Variants in RPE65 observed in about 807,000 individuals in gnomAD.
RPE65 encodes the protein retinoid isomerohydrolase.
A neutral mutation model predicts 68.5 loss-of-function variants in RPE65; 58 were observed. That is an observed-to-expected ratio of 0.85 (90% CI 0.69 to 1.05). RPE65 has a LOEUF of 1.05. Ranked by LOEUF, RPE65 falls within the 50% of genes least tolerant of loss-of-function variation. RPE65 has a pLI of 0.00. For missense variants in RPE65, 643 were observed against 629.9 expected (o/e 1.02, Z -0.22); for synonymous variants, 220 against 222.2 (o/e 0.99, Z 0.09).
In RPE65 at chr1:68,428,974, G is replaced by T. The variant is rs920512880; in HGVS notation, c.*802C>A. 2.6e-5 allele frequency: 4 copies of T among 152,044 alleles called. No homozygotes were observed. The highest frequency in any genetic ancestry group is 9.7e-5 in the African/African-American group (4 of 41,406). 9.4% of individuals were successfully genotyped at this position (152,044 alleles called of 1,614,324 possible). The stretch of plus-strand genomic sequence containing the variant: ...TTAAATACAATTAAACAAAAAAGAT[G>T]CAATAAAGTATAATCCTGCAACATT... On this transcript the variant is annotated 3_prime_UTR_variant, in exon 14 of 14. Transcript: ENST00000262340.
At position 68,431,120 on chromosome 1, in the gene RPE65, T is replaced by C. The variant is rs764923358; in HGVS notation, c.1395A>G (p.Ser465=). 42 of 1,613,874 alleles carry C rather than the reference T, an allele frequency of 2.6e-5. No individual in the cohort carries two copies. The highest frequency in any genetic ancestry group is 3.5e-5 in the Non-Finnish European group (41 of 1,179,828). ...KETWVWQEPD[S]YPSEPIFVSH... Reference sequence around the variant, plus strand: ...AAACAAAGATGGGTTCTGATGGGTATGAATCAGGCTCTTGCCAAACCCAAG... The same window carrying C: ...AAACAAAGATGGGTTCTGATGGGTACGAATCAGGCTCTTGCCAAACCCAAG... The change falls in exon 13 of 14, where the codon TCA becomes TCG. Residue 465 remains serine, a synonymous_variant. Coordinates refer to ENST00000262340, the MANE Select transcript of RPE65 (RefSeq NM_000329.3).
chr1:68,431,413 T>C, intron 11 of RPE65, 37 bp from the exon 12 acceptor site: 1 of 1,612,664 alleles, frequency 6.2e-7, no homozygotes, highest in Non-Finnish European at 8.5e-7. Flanking sequence ...AAACTCTTAA[T>C]CTCTTTGAAA....
chr1:68,434,556 T>C (rs3118419), intron 10 of RPE65, among the ~76,000 whole-genome samples: 67,567 of 151,872 alleles, frequency 0.44, 16,704 homozygotes, highest in East Asian at 0.77. Flanking sequence ...TTAGTGGTGA[T>C]GCTGGGAAGA....
Position 68,439,233 on chromosome 1 carries a change from T to C in RPE65, c.816A>G (p.Gly272=). The stretch of plus-strand genomic sequence containing the variant: ...ACTCAAAACAATCCATGTAGTTGGC[T>C]CCCCAAAGACTCCATGAAGAAAGGA... ...FKFLSSWSLW[G]ANYMDCFESN... is the part of the protein sequence containing the mutation. Residue 272 remains glycine (G), a synonymous_variant, in exon 8 of 14, where the codon GGA becomes GGG. Coordinates refer to ENST00000262340, the MANE Select transcript of RPE65 (RefSeq NM_000329.3). The C allele has an allele frequency of 6.2e-7, 1 of 1,614,050 alleles. No individual in the cohort carries two copies. Among genetic ancestry groups the C allele is most frequent in the Non-Finnish European group, 8.5e-7 (1 of 1,179,966 alleles).
chr1:68,435,587 C>G (rs1443867558), intron 10 of RPE65, among the ~76,000 whole-genome samples: 2 of 152,120 alleles, frequency 1.3e-5, no homozygotes, highest in Non-Finnish European at 2.9e-5. Context: ...CTACTTTTGC[C>G]TATGTTTCAA....
intron 5 of RPE65, among the ~76,000 whole-genome samples, chr1:68,442,258 A>G (rs1213441878): frequency 1.3e-5 from 2 of 152,154 alleles, no homozygotes; most frequent in African/African-American, 4.8e-5. Context: ...GACTCCAACT[A>G]ATGTTTGAAA....
At chr1:68,444,710 C>A (rs759724703) in intron 4 of RPE65, 38 bp from the exon 5 acceptor site, 1 of 1,613,916 alleles carries the variant, frequency 6.2e-7, no homozygotes, top group South Asian at 1.1e-5. Flanking sequence ...CAGTAATTTT[C>A]AAGCCATGAG....
intron 10 of RPE65, among the ~76,000 whole-genome samples, chr1:68,433,056 G>A (rs1645837764): frequency 6.6e-6 from 1 of 152,146 alleles, no homozygotes; most frequent in South Asian, 2.1e-4. Context: ...ATTTTTGGTG[G>A]GGGAAGATGA....
intron 3 of RPE65, among the ~76,000 whole-genome samples, chr1:68,445,866 A>G (rs553086006): frequency 6.1e-4 from 92 of 151,956 alleles, no homozygotes; most frequent in African/African-American, 2.2e-3. Flanking sequence ...AGGTATAGGA[A>G]GCTTTATCTG....
chr1:68,440,864 G>C lies in RPE65; in HGVS notation c.632C>G (p.Pro211Arg). 6.2e-7 allele frequency: 1 copy of C among 1,613,946 alleles called. No homozygotes were observed. Among genetic ancestry groups the C allele is most frequent in the South Asian group, 1.1e-5 (1 of 91,066 alleles). Residue 211 changes from proline to arginine, a missense_variant, in exon 6 of 14, where the codon CCA (proline) becomes CGA (arginine). Transcript: ENST00000262340. ...SIAYNIVKIP[P>R]LQADKEDPIS... The stretch of plus-strand genomic sequence containing the variant: ...ATTGGTAAACTCACCTGCTTGCAGT[G>C]GTGGGATCTTTACAATGTTGTAGGC...
In RPE65 at chr1:68,440,844, T is replaced by C; in HGVS notation, c.643+9A>G. 1 of 1,613,946 alleles carries C rather than the reference T, an allele frequency of 6.2e-7. No individual in the cohort carries two copies. The highest frequency in any genetic ancestry group is 1.3e-5 in the African/African-American group (1 of 75,050). On this transcript the variant is annotated intron_variant, in intron 6 of 13. Coordinates refer to ENST00000262340, the MANE Select transcript of RPE65 (RefSeq NM_000329.3). ...TTATTTTCAGAAGAGGACAGATTGG[T>C]AAACTCACCTGCTTGCAGTGGTGGG...
intron 3 of RPE65, among the ~76,000 whole-genome samples, chr1:68,446,090 G>T (rs1645941146): frequency 6.6e-6 from 1 of 151,962 alleles, no homozygotes; most frequent in Non-Finnish European, 1.5e-5. Flanking sequence ...ATTAATGGGG[G>T]TTTCCTGGAA....
chr1:68,444,733 A>C, intron 4 of RPE65, 43 bp downstream of exon 4: 1 of 1,613,598 alleles, frequency 6.2e-7, no homozygotes, highest in South Asian at 1.1e-5. Flanking sequence ...AAAAAGGGCT[A>C]ATATAAAATG....
chr1:68,438,579 T>C (rs1199741993), intron 9 of RPE65, among the ~76,000 whole-genome samples: 1 of 152,134 alleles, frequency 6.6e-6, no homozygotes, highest in East Asian at 1.9e-4. Flanking sequence ...TTTGTGTCCT[T>C]AGGTGCTGTT....
At chr1:68,434,295 A>T (rs1571161169) in intron 10 of RPE65, among the ~76,000 whole-genome samples, 1 of 152,170 alleles carries the variant, frequency 6.6e-6, no homozygotes, top group East Asian at 1.9e-4. Flanking sequence ...CCCTGTACAG[A>T]GGAGAAACTG....
intron 10 of RPE65, 25 bp from the exon 11 acceptor site, chr1:68,431,610 T>G: frequency 6.3e-7 from 1 of 1,584,118 alleles, no homozygotes; most frequent in Non-Finnish European, 8.7e-7. Flanking sequence ...AACAGAAACC[T>G]CAGTGAGCAG....
chr1:68,439,960 G>A (rs1437709279), intron 6 of RPE65, among the ~76,000 whole-genome samples: 1 of 152,014 alleles, frequency 6.6e-6, no homozygotes, highest in Non-Finnish European at 1.5e-5. Context: ...ACCTCAGAAT[G>A]GTCAAAATGC....
At chr1:68,448,093 C>T (rs1364168839) in intron 2 of RPE65, among the ~76,000 whole-genome samples, 1 of 152,212 alleles carries the variant, frequency 6.6e-6, no homozygotes, top group Non-Finnish European at 1.5e-5. Flanking sequence ...ATTTTCACAA[C>T]ATCCTCATGA....
intron 6 of RPE65, among the ~76,000 whole-genome samples, chr1:68,439,995 A>G (rs1461154148): frequency 1.3e-5 from 2 of 152,196 alleles, no homozygotes; most frequent in Non-Finnish European, 2.9e-5. Flanking sequence ...TAAGATGCCC[A>G]AAGGATATAG....
Sources: allele counts gnomAD v4.1 joint callset (sites outside exome capture counted in the v4.1 genomes callset), GRCh38; gene constraint gnomAD v4.1.1; transcripts MANE v1.5; gene names NCBI Gene and HGNC (gene_info 2026-07-23, HGNC 2026-07-21).